Variants in NELL2 observed in about 807,000 individuals in gnomAD.
NELL2 encodes neural EGFL like 2.
Under a neutral mutation model 109.6 loss-of-function variants are expected in NELL2, and 41 were observed. That is an observed-to-expected ratio of 0.37 (90% CI 0.29 to 0.49). The LOEUF is 0.49. NELL2 is among the 20% of genes least tolerant of loss of function. The pLI, the probability that NELL2 is intolerant of heterozygous loss-of-function variation, is 0.98. For missense variants in NELL2, 900 were observed against 1,008.3 expected (o/e 0.89, Z 1.45); for synonymous variants, 355 against 344.7 (o/e 1.03, Z -0.33).
chr12:44,765,863 G>A (rs1475831310), intron 9 of NELL2, among the ~76,000 whole-genome samples: 7 of 152,132 alleles, frequency 4.6e-5, no homozygotes, highest in Non-Finnish European at 1.0e-4. Context: ...AGTGGCTCAC[G>A]CCTGTAATCT....
At chr12:44,587,284 A>AAAAAAAAAAAAAAAAATATATATATATAT in intron 15 of NELL2, among the ~76,000 whole-genome samples, 2 of 72,216 alleles carry the variant, frequency 2.8e-5, no homozygotes, top group Non-Finnish European at 5.4e-5. Flanking sequence ...AAAAAAAAAA[A>AAAAAAAAAAAAAAAAATATATATATATAT]ATATATATAT....
In NELL2 at chr12:44,797,072, A is replaced by G. The variant is rs147359200; in HGVS notation, c.336-17050T>C. 1.3e-3 allele frequency among the ~76,000 whole-genome samples: 204 copies of G among 152,274 alleles called. 1 individual carries two copies. Among genetic ancestry groups the G allele is most frequent in the African/African-American group, 4.5e-3 (187 of 41,558 alleles). ...TGAATATTAAGAACAGGTATTAAAA[A>G]AAGAAGGAAAGGGTATAATAAAGCA... On this transcript the variant is annotated intron_variant, in intron 3 of 19. Transcript: ENST00000429094.
At chr12:44,628,921 T>G (rs1479816317) in intron 13 of NELL2, among the ~76,000 whole-genome samples, 1 of 152,188 alleles carries the variant, frequency 6.6e-6, no homozygotes, top group Non-Finnish European at 1.5e-5. Context: ...TTTGAAATTT[T>G]AGAGGTCTTG....
At chr12:44,660,225 G>A (rs1431380748) in intron 13 of NELL2, among the ~76,000 whole-genome samples, 1 of 152,126 alleles carries the variant, frequency 6.6e-6, no homozygotes, top group Admixed American at 6.6e-5. Flanking sequence ...AGGAAAATAT[G>A]CATCTTACAA....
chr12:44,789,795 GA>G (rs1942313218), intron 3 of NELL2, among the ~76,000 whole-genome samples: 1 of 152,090 alleles, frequency 6.6e-6, no homozygotes, highest in African/African-American at 2.4e-5. Context: ...AAAACTTCAG[GA>G]AACACTGGAT....
At chr12:44,640,774 G>A (rs1268824192) in intron 13 of NELL2, among the ~76,000 whole-genome samples, 1 of 151,938 alleles carries the variant, frequency 6.6e-6, no homozygotes, top group East Asian at 1.9e-4. Flanking sequence ...ACAATAAGAA[G>A]AATGCTTTTC....
intron 9 of NELL2, among the ~76,000 whole-genome samples, chr12:44,741,832 C>A (rs1201390512): frequency 6.6e-6 from 1 of 152,188 alleles, no homozygotes; most frequent in Non-Finnish European, 1.5e-5. Context: ...TGGGTGGAGC[C>A]CACCACAGCT....
chr12:44,613,386 A>G (rs1401925686), intron 13 of NELL2, among the ~76,000 whole-genome samples: 1 of 152,142 alleles, frequency 6.6e-6, no homozygotes, highest in Non-Finnish European at 1.5e-5. Context: ...TGATTAAATG[A>G]ATAGATGGGG....
intron 2 of NELL2, among the ~76,000 whole-genome samples, chr12:44,867,844 G>A (rs1332838623): frequency 6.6e-6 from 1 of 152,108 alleles, no homozygotes; most frequent in Non-Finnish European, 1.5e-5. Context: ...AACTGGTGAG[G>A]TGCAGTGGCT....
intron 10 of NELL2, among the ~76,000 whole-genome samples, chr12:44,711,630 A>G (rs764605918): frequency 2.6e-5 from 4 of 152,060 alleles, no homozygotes; most frequent in African/African-American, 4.8e-5. Context: ...CACTGCAGCC[A>G]TGTCTATAAT....
chr12:44,779,977 C>A lies in NELL2; in HGVS notation c.381G>T (p.Leu127=). The A allele has an allele frequency of 6.2e-7, 1 of 1,613,850 alleles. No individual in the cohort carries two copies. Among genetic ancestry groups the A allele is most frequent in the Non-Finnish European group, 8.5e-7 (1 of 1,179,806 alleles). ...GGCGGTGACTGCCTGAGCGGTAATG[C>A]AGTCTGACTTCATTCCGATGGCCAC... is the stretch of plus-strand genomic sequence containing the variant. The part of the protein sequence containing the change: ...ESSGHRNEVR[L]HYRSGSHRPH... The change falls in exon 4 of 20, where the codon CTG becomes CTT. Residue 127 remains leucine, a synonymous_variant. Transcript: ENST00000429094.
chr12:44,786,572 T>A (rs1171123528), intron 3 of NELL2, among the ~76,000 whole-genome samples: 1 of 152,132 alleles, frequency 6.6e-6, no homozygotes, highest in East Asian at 1.9e-4. Context: ...AAGACACATG[T>A]ACATGTATGT....
intron 3 of NELL2, among the ~76,000 whole-genome samples, chr12:44,811,657 C>T (rs74353000): frequency 0.01 from 1,529 of 152,140 alleles, 7 homozygotes; most frequent in Middle Eastern, 0.024. Context: ...CAGTTCCTAC[C>T]TTCTCCCTCT....
intron 15 of NELL2, among the ~76,000 whole-genome samples, chr12:44,539,985 C>G (rs749617697): frequency 6.6e-6 from 1 of 152,046 alleles, no homozygotes; most frequent in Non-Finnish European, 1.5e-5. Flanking sequence ...TACACTAAGA[C>G]AAAAATAACA....
intron 12 of NELL2, among the ~76,000 whole-genome samples, chr12:44,672,641 G>C (rs994126706): frequency 6.6e-6 from 1 of 152,226 alleles, no homozygotes; most frequent in African/African-American, 2.4e-5. Flanking sequence ...TAAGAGATGG[G>C]AACTTTGATG....
At chr12:44,794,229 T>C (rs936993923) in intron 3 of NELL2, among the ~76,000 whole-genome samples, 3 of 152,218 alleles carry the variant, frequency 2.0e-5, no homozygotes, top group Admixed American at 1.3e-4. Flanking sequence ...CTTGCCTCAT[T>C]GGATTTTTGT....
rs550955284 is a variant in NELL2, at chr12:44,577,829, G to A, written c.1663+29340C>T. ...CCAACGGAACTAGCAGACCTTGATCGTTGCATTTATATAATAGTAATTGCC... is the reference window on the plus strand; with the variant it reads ...CCAACGGAACTAGCAGACCTTGATCATTGCATTTATATAATAGTAATTGCC... On this transcript the variant is annotated intron_variant, in intron 15 of 19. Transcript: ENST00000429094. Among the ~76,000 whole-genome samples, 29 of 152,102 alleles carry A rather than the reference G, an allele frequency of 1.9e-4. No individual in the cohort carries two copies. In the South Asian group the frequency reaches 2.5e-3, roughly 13 times the overall value.
intron 11 of NELL2, among the ~76,000 whole-genome samples, chr12:44,706,284 G>A (rs1398500466): frequency 2.6e-5 from 4 of 152,136 alleles, no homozygotes; most frequent in Non-Finnish European, 5.9e-5. Flanking sequence ...CAACAGATAA[G>A]TTGATTGAAC....
At chr12:44,890,679 C>T (rs187415050) in intron 1 of NELL2, among the ~76,000 whole-genome samples, 3 of 151,836 alleles carry the variant, frequency 2.0e-5, no homozygotes, top group East Asian at 3.9e-4. Flanking sequence ...TATCATTGCC[C>T]CCAAGGGTTC....
Sources: gnomAD v4.1 joint callset for allele counts (sites outside exome capture counted in the v4.1 genomes callset) on GRCh38, gnomAD v4.1.1 for gene constraint, MANE v1.5 for transcripts, NCBI Gene and HGNC (gene_info 2026-07-23, HGNC 2026-07-21) for gene names.